The following CARM1 variants were observed in gnomAD, a reference collection of about 807,000 sequenced individuals.
CARM1 encodes histone-arginine methyltransferase CARM1.
CARM1 carries 14 observed loss-of-function variants against 72.7 expected under a neutral mutation model. That is an observed-to-expected ratio of 0.19 (90% CI 0.13 to 0.30). The LOEUF (loss-of-function observed/expected upper bound fraction) is 0.30. CARM1 is among the 10% of genes least tolerant of loss of function. CARM1 has a pLI of 1.00. For missense variants in CARM1, 432 were observed against 833.7 expected (o/e 0.52, Z 5.93); for synonymous variants, 333 against 345.5 (o/e 0.96, Z 0.40).
chr19:10,886,690 G>T (rs540165825), intron 1 of CARM1, among the ~76,000 whole-genome samples: 23 of 152,178 alleles, frequency 1.5e-4, no homozygotes, highest in Admixed American at 4.6e-4. Flanking sequence ...ATTTAGCCGG[G>T]TGCAGTGGCA....
At chr19:10,881,163 C>T (rs1209261534) in intron 1 of CARM1, among the ~76,000 whole-genome samples, 1 of 151,858 alleles carries the variant, frequency 6.6e-6, no homozygotes, top group East Asian at 1.9e-4. Flanking sequence ...AAGACCTTGT[C>T]TCTAAAAAAA....
chr19:10,918,958 CG>C (rs1453836651), intron 8 of CARM1: 1 of 152,170 alleles, frequency 6.6e-6, no homozygotes, highest in Non-Finnish European at 1.5e-5. Context: ...GTGTGTTAGT[CG>C]GATATAAACA....
Position 10,916,847 on chromosome 19 carries a change from G to C in CARM1, c.1020+70G>C. On this transcript the variant is annotated intron_variant, in intron 8 of 15. Transcript: ENST00000327064. The surrounding 1 kb of genome is among the most constrained non-coding windows in gnomAD (Gnocchi z 4.4). The stretch of plus-strand genomic sequence containing the variant: ...TGCTGTGCAGCTGTGCAGCCCTCAG[G>C]AAGCTACAGCCCCTCTCTGAGCCCT... 1 of 1,196,866 alleles carries C rather than the reference G, an allele frequency of 8.4e-7. No individual in the cohort carries two copies. The highest frequency in any genetic ancestry group is 1.2e-6 in the Non-Finnish European group (1 of 835,320). 74.1% of individuals were successfully genotyped at this position (1,196,866 alleles called of 1,614,324 possible).
chr19:10,890,740 C>T (rs117150459), intron 1 of CARM1, among the ~76,000 whole-genome samples: 4,597 of 138,614 alleles, frequency 0.033, 103 homozygotes, highest in South Asian at 0.081. Context: ...CACATATATA[C>T]ACATGCATAT....
At chr19:10,892,164 TTTGA>T (rs2073993074) in intron 1 of CARM1, among the ~76,000 whole-genome samples, 1 of 152,240 alleles carries the variant, frequency 6.6e-6, no homozygotes, top group Non-Finnish European at 1.5e-5. Flanking sequence ...TTATTCATTC[TTTGA>T]TTAATTGATG....
At chr19:10,905,578 G>T (rs139301553) in intron 2 of CARM1, among the ~76,000 whole-genome samples, 16 of 152,346 alleles carry the variant, frequency 1.1e-4, no homozygotes, top group African/African-American at 3.1e-4. Context: ...GTCCAGGAAT[G>T]CCCAGGGCTG....
rs190988135 is a variant in CARM1, at chr19:10,893,664, C to T, written c.221-11287C>T. On this transcript the variant is annotated intron_variant, in intron 1 of 15. Coordinates refer to ENST00000327064, the MANE Select transcript of CARM1 (RefSeq NM_199141.2). ...TTGTGCCCATTTTATAGATGGGGCT[C>T]CTGAGGCCAGGGGTGAAGGCAGGTG... Among the ~76,000 whole-genome samples, 16 of 152,330 alleles carry T rather than the reference C, an allele frequency of 1.1e-4. No homozygotes were observed. In the East Asian group the frequency reaches 2.9e-3, roughly 28 times the overall value.
At chr19:10,892,588 C>T (rs567570314) in intron 1 of CARM1, among the ~76,000 whole-genome samples, 68 of 152,276 alleles carry the variant, frequency 4.5e-4, no homozygotes, top group Middle Eastern at 6.8e-3. Flanking sequence ...GATTCTCTTC[C>T]GAGGCTGGCA....
In CARM1 at chr19:10,921,662, T is replaced by C; in HGVS notation, c.1732T>C (p.Tyr578His). 1 of 1,613,524 alleles carries C rather than the reference T, an allele frequency of 6.2e-7. No individual in the cohort carries two copies. Among genetic ancestry groups the C allele is most frequent in the Non-Finnish European group, 8.5e-7 (1 of 1,179,892 alleles). Residue 578 changes from tyrosine (Y) to histidine (H), a missense_variant, in exon 16 of 16, where the codon TAT (tyrosine) becomes CAT (histidine). Tyr to His is a moderately conservative substitution (Grantham distance 83, BLOSUM62 2). This residue lies in a region of CARM1 where 142 missense variants were observed against 188.7 expected (regional missense o/e 0.75). Coordinates refer to ENST00000327064, the MANE Select transcript of CARM1 (RefSeq NM_199141.2). The part of the protein sequence containing the change: ...GSGGGSTSAH[Y>H]AVNSQFTMGG... ...TGGTGGTGGCAGCACGAGTGCCCAC[T>C]ATGCAGTCAACAGCCAGTTCACCAT... is the stretch of plus-strand genomic sequence containing the variant.
chr19:10,891,896 A>G (rs1188848809), intron 1 of CARM1, among the ~76,000 whole-genome samples: 3 of 152,308 alleles, frequency 2.0e-5, no homozygotes, highest in South Asian at 2.1e-4. Flanking sequence ...ACGTTCACAC[A>G]ATGGCAAAGG....
rs2074172723 is a variant in CARM1, at chr19:10,913,722, TG to T, written c.670-153del. ...CCCACAGTGAGCTCTTAACAGGCTA[TG>T]GCCAATCGCAGCCATGGTTGGGGCG... On this transcript the variant is annotated intron_variant, in intron 5 of 15. Transcript: ENST00000327064. Among the ~76,000 whole-genome samples the T allele has an allele frequency of 2.6e-5, 4 of 152,268 alleles. No individual in the cohort carries two copies. In the South Asian group the frequency reaches 8.3e-4, roughly 32 times the overall value.
In CARM1 at chr19:10,884,742, TC is replaced by T. The variant is rs370160071; in HGVS notation, c.220+12825del. 1.3e-3 allele frequency among the ~76,000 whole-genome samples: 200 copies of T among 152,198 alleles called. 1 individual carries two copies. The highest frequency in any genetic ancestry group is 4.5e-3 in the African/African-American group (187 of 41,540). Reference sequence around the variant, plus strand: ...TTTTTTGAGACTGAGTCTTGCTCTGTCCCCCAGGCTGGAGTGCAGTAGCGTG... The same window carrying T: ...TTTTTTGAGACTGAGTCTTGCTCTGTCCCCAGGCTGGAGTGCAGTAGCGTG... On this transcript the variant is annotated intron_variant, in intron 1 of 15. Transcript: ENST00000327064.
Position 10,912,710 on chromosome 19 carries a change from C to G in CARM1, c.669+416C>G, listed in dbSNP as rs2074161889. Among the ~76,000 whole-genome samples the G allele has an allele frequency of 6.6e-6, 1 of 152,124 alleles. No homozygotes were observed. Among genetic ancestry groups the G allele is most frequent in the Non-Finnish European group, 1.5e-5 (1 of 68,020 alleles). ...CCTCTCGCACCAGTGGAGGCTGCAC[C>G]CTCCATTCCCTGCTCTGCCTCTCCC... On this transcript the variant is annotated intron_variant, in intron 5 of 15. Coordinates refer to ENST00000327064, the MANE Select transcript of CARM1 (RefSeq NM_199141.2). This position sits in a 1 kb window ranked among gnomAD's most constrained non-coding sequence, Gnocchi z 4.5.
Position 10,920,391 on chromosome 19 carries a change from G to C in CARM1, c.1197-45G>C. On this transcript the variant is annotated intron_variant, in intron 10 of 15. Transcript: ENST00000327064. The surrounding 1 kb of genome is among the most constrained non-coding windows in gnomAD (Gnocchi z 5.3). ...AGGCATACAAGGTGGTGGCTCCAGTGGTGGCGCCGGCCCAGTCAAGTATGT... is the reference window on the plus strand; with the variant it reads ...AGGCATACAAGGTGGTGGCTCCAGTCGTGGCGCCGGCCCAGTCAAGTATGT... 1 of 1,584,968 alleles carries C rather than the reference G, an allele frequency of 6.3e-7. No individual in the cohort carries two copies. Among genetic ancestry groups the C allele is most frequent in the Non-Finnish European group, 8.6e-7 (1 of 1,160,640 alleles).
In CARM1 at chr19:10,915,023, A is replaced by C. The variant is rs1397377717; in HGVS notation, c.847+969A>C. On this transcript the variant is annotated intron_variant, in intron 6 of 15. Coordinates refer to ENST00000327064, the MANE Select transcript of CARM1 (RefSeq NM_199141.2). This position sits in a 1 kb window ranked among gnomAD's most constrained non-coding sequence, Gnocchi z 4.6. Reference sequence around the variant, plus strand: ...CAGGGTACAGGTCCCCAGCCAGGGTAGCAGCCATGGGATGGAGCGTGGGCA... The same window carrying C: ...CAGGGTACAGGTCCCCAGCCAGGGTCGCAGCCATGGGATGGAGCGTGGGCA... Among the ~76,000 whole-genome samples the C allele has an allele frequency of 1.3e-5, 2 of 152,156 alleles. No homozygotes were observed. Among genetic ancestry groups the C allele is most frequent in the Non-Finnish European group, 2.9e-5 (2 of 68,016 alleles).
chr19:10,879,020 T>C (rs923667754), intron 1 of CARM1, among the ~76,000 whole-genome samples: 1 of 152,146 alleles, frequency 6.6e-6, no homozygotes, highest in Non-Finnish European at 1.5e-5. Context: ...TTGGCCAGGC[T>C]GTTCTCAAAC....
intron 1 of CARM1, among the ~76,000 whole-genome samples, chr19:10,877,333 A>C (rs1193844071): frequency 6.6e-6 from 1 of 152,236 alleles, no homozygotes; most frequent in Non-Finnish European, 1.5e-5. Context: ...TGTTGACTCA[A>C]AATGCTTGAC....
chr19:10,878,033 A>T (rs2073876417), intron 1 of CARM1, among the ~76,000 whole-genome samples: 1 of 152,056 alleles, frequency 6.6e-6, no homozygotes, highest in Non-Finnish European at 1.5e-5. Context: ...TTAGAGACAG[A>T]GTCTTGCTGT....
intron 9 of CARM1, 49 bp from the exon 10 acceptor site, chr19:10,919,828 G>A (rs756490407): frequency 6.9e-5 from 106 of 1,542,956 alleles, no homozygotes; most frequent in East Asian, 9.0e-5. Context: ...CTTCTCTCTC[G>A]GCAGCGCCTG....
Sources: gnomAD v4.1 joint callset for allele counts (sites outside exome capture counted in the v4.1 genomes callset) on GRCh38, gnomAD v4.1.1 for gene constraint, gnomAD v4.1.1 regional missense constraint, Gnocchi (gnomAD v3.1) non-coding constraint, MANE v1.5 for transcripts, NCBI Gene and HGNC (gene_info 2026-07-23, HGNC 2026-07-21) for gene names.